AXL: variants seen among roughly 807,000 people sequenced by gnomAD.
AXL encodes the protein AXL receptor tyrosine kinase, also known as tyrosine-protein kinase receptor UFO.
In AXL, 52 loss-of-function variants were observed where a neutral mutation model predicts 104.5. That is an observed-to-expected ratio of 0.50 (90% CI 0.40 to 0.63). The LOEUF (loss-of-function observed/expected upper bound fraction) is 0.63. AXL is among the 20% of genes least tolerant of loss of function. AXL has a pLI of 0.00. For missense variants in AXL, 1,024 were observed against 1,188.5 expected (o/e 0.86, Z 2.04); for synonymous variants, 455 against 473.7 (o/e 0.96, Z 0.51).
chr19:41,229,086 A>G (rs1349496095), intron 4 of AXL, among the ~76,000 whole-genome samples: 3 of 149,968 alleles, frequency 2.0e-5, no homozygotes, highest in Non-Finnish European at 3.0e-5. Context: ...AGTAGCTGGG[A>G]TTAAAGGGGC....
At chr19:41,255,438 T>C (rs975288548) in intron 17 of AXL, among the ~76,000 whole-genome samples, 3 of 151,644 alleles carry the variant, frequency 2.0e-5, no homozygotes, top group Non-Finnish European at 4.4e-5. Flanking sequence ...TTCCCTTTTT[T>C]TCTTTCTTTT....
intron 8 of AXL, 110 bp from the exon 9 acceptor site, chr19:41,239,054 G>T: frequency 7.9e-7 from 1 of 1,268,708 alleles, no homozygotes. Context: ...ATGAGGAGTT[G>T]GAGGATGGGG....
At chr19:41,220,596 TG>T (rs1313476500) in intron 1 of AXL, 39 bp from the exon 2 acceptor site, 3 of 1,522,166 alleles carry the variant, frequency 2.0e-6, no homozygotes, top group Non-Finnish European at 2.7e-6. Context: ...CGGAAGGAGC[TG>T]GGGGGTTCCT....
At chr19:41,255,101 C>A (rs1041989290) in intron 17 of AXL, among the ~76,000 whole-genome samples, 3 of 152,210 alleles carry the variant, frequency 2.0e-5, no homozygotes, top group African/African-American at 7.2e-5. Context: ...ACTATCCTGA[C>A]TTCTCAGTGC....
chr19:41,243,989 T>G (rs2072567123), intron 12 of AXL: 1 of 325,466 alleles, frequency 3.1e-6, no homozygotes, highest in African/African-American at 2.1e-5. Context: ...GAGGATCACT[T>G]GAGCCCAGGA....
intron 4 of AXL, among the ~76,000 whole-genome samples, chr19:41,223,880 T>C (rs775684983): frequency 2.6e-5 from 4 of 152,022 alleles, no homozygotes; most frequent in Non-Finnish European, 5.9e-5. Context: ...CTGTGTGTTC[T>C]GGATCTGAGT....
intron 6 of AXL, among the ~76,000 whole-genome samples, chr19:41,233,270 G>A (rs1248559858): frequency 3.3e-5 from 5 of 151,994 alleles, no homozygotes; most frequent in East Asian, 1.9e-4. Flanking sequence ...GATTACAGGC[G>A]TGAGGCACCG....
rs2034111324 is a variant in AXL at position 41,238,028 on chromosome 19, C to T, written c.868C>T (p.Pro290Ser). ...GCCCCTCACCTCGCAAGCATCCGTG[C>T]CCCCCCATCAGCTTCGGCTAGGCAG... is the stretch of plus-strand genomic sequence containing the variant. ...EEPLTSQASV[P>S]PHQLRLGSLH... Residue 290 changes from proline (P) to serine (S), a missense_variant, in exon 7 of 20, where the codon CCC becomes TCC. Physicochemically the swap from Pro to Ser is moderately conservative, Grantham distance 74. Coordinates refer to ENST00000301178, the MANE Select transcript of AXL (RefSeq NM_021913.5). The T allele has an allele frequency of 1.9e-6, 3 of 1,613,660 alleles. No homozygotes were observed. Among genetic ancestry groups the T allele is most frequent in the Non-Finnish European group, 2.5e-6 (3 of 1,179,866 alleles).
At chr19:41,259,175 G>A (rs1003269007) in intron 19 of AXL, among the ~76,000 whole-genome samples, 6 of 152,156 alleles carry the variant, frequency 3.9e-5, no homozygotes, top group African/African-American at 9.7e-5. Flanking sequence ...TTTATTCTCC[G>A]TCTTTTGCAG....
chr19:41,254,250 C>T (rs2034416395), intron 17 of AXL, among the ~76,000 whole-genome samples: 1 of 151,050 alleles, frequency 6.6e-6, no homozygotes, highest in African/African-American at 2.4e-5. Flanking sequence ...CAAAATTCAG[C>T]CTGGTGCGGT....
chr19:41,260,321 TTTTTTTTTG>T lies in AXL; in HGVS notation c.*418_*426del, dbSNP rs2034519406. 1 of 157,166 alleles carries T rather than the reference TTTTTTTTTG, an allele frequency of 6.4e-6. No homozygotes were observed. Among genetic ancestry groups the T allele is most frequent in the African/African-American group, 3.7e-5 (1 of 27,212 alleles). The allele number at this position is 157,166 out of a possible 1,614,324, so 9.7% of individuals were successfully genotyped here. ...TACTTTTTTTTTTTTTTTTTTTTTT[TTTTTTTTTG>T]CGATAGAGTCTCACTGTGTCACCCA... On this transcript the variant is annotated 3_prime_UTR_variant, in exon 20 of 20. Transcript: ENST00000301178.
rs776061991 is a variant in AXL at position 41,248,797 on chromosome 19, A to C, written c.1688A>C (p.Lys563Thr). 6.2e-7 allele frequency: 1 copy of C among 1,613,398 alleles called. No homozygotes were observed. Among genetic ancestry groups the C allele is most frequent in the South Asian group, 1.1e-5 (1 of 90,996 alleles). Residue 563 changes from lysine (K) to threonine (T), a missense_variant, in exon 14 of 20, where the codon AAG (lysine) becomes ACG (threonine). Coordinates refer to ENST00000301178, the MANE Select transcript of AXL (RefSeq NM_021913.5). Reference sequence around the variant, plus strand: ...CTCAACCAGGACGACTCCATCCTCAAGGTGGCTGTGAAGACGATGAAGAGT... The same window carrying C: ...CTCAACCAGGACGACTCCATCCTCACGGTGGCTGTGAAGACGATGAAGAGT... ...GQLNQDDSIL[K>T]VAVKTMKIAI...
chr19:41,244,462 C>T (rs920504408), intron 12 of AXL, among the ~76,000 whole-genome samples: 20 of 151,712 alleles, frequency 1.3e-4, no homozygotes, highest in African/African-American at 4.1e-4. Context: ...CCCAAGGACA[C>T]GGGTTTCTTT....
chr19:41,220,922 TG>T, intron 2 of AXL, 64 bp downstream of exon 2: 1 of 1,559,882 alleles, frequency 6.4e-7, no homozygotes, highest in Non-Finnish European at 8.8e-7. Flanking sequence ...AAAGCCCACC[TG>T]GGTGGGAACC....
At chr19:41,223,032 C>T (rs556565877) in intron 4 of AXL, among the ~76,000 whole-genome samples, 45 of 152,058 alleles carry the variant, frequency 3.0e-4, no homozygotes, top group Middle Eastern at 3.4e-3. Context: ...TGGTGGCTCA[C>T]GCCTGTAATC....
chr19:41,234,503 C>T (rs1021398119), intron 6 of AXL, among the ~76,000 whole-genome samples: 1 of 151,778 alleles, frequency 6.6e-6, no homozygotes, highest in Non-Finnish European at 1.5e-5. Context: ...CCACTGCACT[C>T]CAGCTTGTGT....
At chr19:41,222,421 G>A (rs1165191482) in intron 4 of AXL, among the ~76,000 whole-genome samples, 2 of 152,078 alleles carry the variant, frequency 1.3e-5, no homozygotes, top group Non-Finnish European at 2.9e-5. Flanking sequence ...GTGCGTGTGG[G>A]CCTGGTGCCC....
At chr19:41,259,443 C>G (rs2034501046) in intron 19 of AXL, 110 bp from the exon 20 acceptor site, 1 of 898,938 alleles carries the variant, frequency 1.1e-6, no homozygotes, top group Non-Finnish European at 1.7e-6. Context: ...TCCCTATAAC[C>G]CTCTAAAATG....
chr19:41,219,303 G>A lies in AXL; in HGVS notation c.-90G>A, dbSNP rs1401606461. ...AGGCAGGCAGTGCCAAATCCGGGGA[G>A]CCTGGAGCTGGGGGGAGGGCCGGGG... On this transcript the variant is annotated 5_prime_UTR_variant, in exon 1 of 20. Coordinates refer to ENST00000301178, the MANE Select transcript of AXL (RefSeq NM_021913.5). 10 of 1,300,432 alleles carry A rather than the reference G, an allele frequency of 7.7e-6. No homozygotes were observed. Among genetic ancestry groups the A allele is most frequent in the Non-Finnish European group, 1.0e-5 (10 of 952,724 alleles). 80.6% of individuals were successfully genotyped at this position (1,300,432 alleles called of 1,614,324 possible).
Sources: allele counts gnomAD v4.1 joint callset (sites outside exome capture counted in the v4.1 genomes callset), GRCh38; gene constraint gnomAD v4.1.1; transcripts MANE v1.5; gene names NCBI Gene and HGNC (gene_info 2026-07-23, HGNC 2026-07-21).